The following RBMS3 variants were observed in gnomAD, a reference collection of about 807,000 sequenced individuals.
The protein encoded by RBMS3 is RNA-binding motif, single-stranded-interacting protein 3.
RBMS3 carries 27 observed loss-of-function variants against 66.8 expected under a neutral mutation model. The observed-to-expected ratio is 0.40, with a 90% confidence interval of 0.30 to 0.56. The LOEUF is 0.56. Ranked by LOEUF, RBMS3 falls within the 20% of genes least tolerant of loss-of-function variation. The pLI is 0.40. For missense variants in RBMS3, 513 were observed against 549.5 expected, an observed-to-expected ratio of 0.93 and a Z score of 0.66; for synonymous variants, 188 against 183.0, an observed-to-expected ratio of 1.03 and a Z score of -0.22.
chr3:29,321,996 A>G (rs1377391214), intron 1 of RBMS3, among the ~76,000 whole-genome samples: 1 of 152,180 alleles, frequency 6.6e-6, no homozygotes, highest in Non-Finnish European at 1.5e-5. Flanking sequence ...GCCCTTAATA[A>G]TGAGACTGTA....
rs776357215 is a variant in RBMS3 at position 29,384,435 on chromosome 3, T to TAATAATAAGAAGAAGAAGAAG, written c.76-50306_76-50305insTAATAAGAAGAAGAAGAAGAA. 7.6e-3 allele frequency among the ~76,000 whole-genome samples: 1,074 copies of TAATAATAAGAAGAAGAAGAAG among 141,060 alleles called. 7 individuals carry two copies. Among genetic ancestry groups the TAATAATAAGAAGAAGAAGAAG allele is most frequent in the Middle Eastern group, 0.028 (8 of 284 alleles). The allele number at this position is 141,060 out of a possible 152,430, so 92.5% of individuals were successfully genotyped here. On this transcript the variant is annotated intron_variant, in intron 1 of 14. Transcript: ENST00000383767. ...TATACACCAATAATAATAATAATAA[T>TAATAATAAGAAGAAGAAGAAG]AAGAAGAAGAAGAAGAAGAAGAAGA...
rs757648494 is a variant in RBMS3, at chr3:29,548,960, G to A, written c.308-38154G>A. ...ACAGAATGCAAATTATTTTAAATTTGAGCAAGTCTTTTCTTTTGAATAAAA... is the reference window on the plus strand; with the variant it reads ...ACAGAATGCAAATTATTTTAAATTTAAGCAAGTCTTTTCTTTTGAATAAAA... On this transcript the variant is annotated intron_variant, in intron 3 of 14. Transcript: ENST00000383767. 1.2e-3 allele frequency among the ~76,000 whole-genome samples: 177 copies of A among 151,278 alleles called. 1 individual carries two copies. The highest frequency in any genetic ancestry group is 1.6e-3 in the Non-Finnish European group (109 of 67,934).
intron 3 of RBMS3, among the ~76,000 whole-genome samples, chr3:29,585,673 C>G (rs1006562146): frequency 9.2e-5 from 14 of 152,232 alleles, no homozygotes; most frequent in African/African-American, 3.1e-4. Context: ...CCCCTTGACC[C>G]TATTTCTTGA....
intron 5 of RBMS3, among the ~76,000 whole-genome samples, chr3:29,759,818 A>G (rs1022791834): frequency 7.2e-5 from 11 of 152,074 alleles, no homozygotes; most frequent in Non-Finnish European, 1.6e-4. Flanking sequence ...CTATATTGCC[A>G]TCTTTGCTGG....
At chr3:29,988,363 A>AAAGTATAAACATTT in intron 13 of RBMS3, 140 bp downstream of exon 13, 1 of 668,148 alleles carries the variant, frequency 1.5e-6, no homozygotes, top group South Asian at 2.0e-5. Flanking sequence ...TCAGTGTATG[A>AAAGTATAAACATTT]AAGTATAAAC....
intron 6 of RBMS3, among the ~76,000 whole-genome samples, chr3:29,811,821 T>C (rs2057737324): frequency 6.6e-6 from 1 of 152,202 alleles, no homozygotes; most frequent in Non-Finnish European, 1.5e-5. Context: ...TTCCCCAGAC[T>C]TCCTGCATTG....
chr3:29,760,394 A>G (rs2055625930), intron 5 of RBMS3, among the ~76,000 whole-genome samples: 1 of 152,070 alleles, frequency 6.6e-6, no homozygotes, highest in Non-Finnish European at 1.5e-5. Flanking sequence ...TAGATTCTTA[A>G]CTGCCTTTTA....
chr3:29,433,820 TC>T (rs1431247756), intron 1 of RBMS3, among the ~76,000 whole-genome samples: 1 of 152,128 alleles, frequency 6.6e-6, no homozygotes, highest in Non-Finnish European at 1.5e-5. Flanking sequence ...TTTCTGGGAG[TC>T]ATTTTATCAT....
intron 6 of RBMS3, among the ~76,000 whole-genome samples, chr3:29,845,499 T>A (rs1160750232): frequency 6.6e-6 from 1 of 152,236 alleles, no homozygotes; most frequent in East Asian, 1.9e-4. Flanking sequence ...GTGTTTTTAT[T>A]ATAACAGTGT....
chr3:29,910,660 T>C (rs2060491759), intron 10 of RBMS3, among the ~76,000 whole-genome samples: 1 of 151,950 alleles, frequency 6.6e-6, no homozygotes, highest in Non-Finnish European at 1.5e-5. Context: ...TTAATGGTGT[T>C]GATTAGCATG....
At chr3:29,315,235 G>A (rs138135344) in intron 1 of RBMS3, among the ~76,000 whole-genome samples, 2 of 151,682 alleles carry the variant, frequency 1.3e-5, no homozygotes, top group African/African-American at 4.8e-5. Flanking sequence ...GTTTGTCGTA[G>A]TTTTATTTGT....
At position 29,410,738 on chromosome 3, in the gene RBMS3, G is replaced by GC. The variant is rs531480003; in HGVS notation, c.76-24002dup. The stretch of plus-strand genomic sequence containing the variant: ...AGCACAAGAAAATGGAACATGATGA[G>GC]CCCTCTGTTTAAAAATTATGGTATT... On this transcript the variant is annotated intron_variant, in intron 1 of 14. Coordinates refer to ENST00000383767, the MANE Select transcript of RBMS3 (RefSeq NM_001003793.3). Among the ~76,000 whole-genome samples, 12 of 152,296 alleles carry GC rather than the reference G, an allele frequency of 7.9e-5. No individual in the cohort carries two copies. In the South Asian group the frequency reaches 1.2e-3, roughly 16 times the overall value.
chr3:29,418,068 C>A (rs1044756861), intron 1 of RBMS3, among the ~76,000 whole-genome samples: 3 of 152,024 alleles, frequency 2.0e-5, no homozygotes. Context: ...AAAAAATAAT[C>A]TATATCATTA....
At chr3:29,738,377 C>G (rs2054472921) in intron 4 of RBMS3, among the ~76,000 whole-genome samples, 1 of 152,054 alleles carries the variant, frequency 6.6e-6, no homozygotes, top group Admixed American at 6.6e-5. Flanking sequence ...AATTAAATAT[C>G]TGGTACATTT....
At chr3:29,553,950 T>C (rs962458194) in intron 3 of RBMS3, among the ~76,000 whole-genome samples, 1 of 152,190 alleles carries the variant, frequency 6.6e-6, no homozygotes, top group African/African-American at 2.4e-5. Context: ...TTGAACATTT[T>C]ATAATTACTG....
At chr3:29,429,991 G>A (rs1046975613) in intron 1 of RBMS3, among the ~76,000 whole-genome samples, 1 of 151,808 alleles carries the variant, frequency 6.6e-6, no homozygotes, top group African/African-American at 2.4e-5. Context: ...TTGGTCATAT[G>A]TCTTTGGCAG....
intron 1 of RBMS3, among the ~76,000 whole-genome samples, chr3:29,314,208 C>T (rs1016408888): frequency 6.6e-6 from 1 of 151,666 alleles, no homozygotes; most frequent in African/African-American, 2.4e-5. Context: ...ATACTGTATC[C>T]TACAAGTTTA....
chr3:29,311,748 C>T (rs1393877796), intron 1 of RBMS3, among the ~76,000 whole-genome samples: 3 of 151,702 alleles, frequency 2.0e-5, no homozygotes, highest in East Asian at 3.9e-4. Context: ...ACTTGAATAG[C>T]GGAAGAGAAG....
chr3:29,922,593 A>C (rs2060820926), intron 10 of RBMS3, among the ~76,000 whole-genome samples: 1 of 152,134 alleles, frequency 6.6e-6, no homozygotes, highest in South Asian at 2.1e-4. Context: ...ACAGTACCAA[A>C]ATATCTTTTA....
Sources: allele counts gnomAD v4.1 joint callset (sites outside exome capture counted in the v4.1 genomes callset), GRCh38; gene constraint gnomAD v4.1.1; transcripts MANE v1.5; gene names NCBI Gene and HGNC (gene_info 2026-07-23, HGNC 2026-07-21).